Variants in SLIT2 observed in about 807,000 individuals in gnomAD.
SLIT2 encodes the protein slit guidance ligand 2, also known as slit homolog 2 protein.
A neutral mutation model predicts 185.7 loss-of-function variants in SLIT2; 41 were observed. The ratio of observed to expected loss-of-function variants is 0.22; its 90% CI spans 0.17 to 0.29. The LOEUF (loss-of-function observed/expected upper bound fraction) is 0.29. Ranked by LOEUF, SLIT2 falls within the 10% of genes least tolerant of loss-of-function variation. SLIT2 has a pLI of 1.00. For synonymous variants in SLIT2, 693 were observed against 680.2 expected (o/e 1.02, Z -0.29); for missense variants, 1,571 against 1,909.0 (o/e 0.82, Z 3.30).
rs1370320677 is a variant in SLIT2 at position 20,388,893 on chromosome 4, TATATATAATATATACATATAATATATATA to T, written c.396-78842_396-78814del. On this transcript the variant is annotated intron_variant, in intron 4 of 36. Coordinates refer to ENST00000504154, the MANE Select transcript of SLIT2 (RefSeq NM_004787.4). Reference sequence around the variant, plus strand: ...AATATATAATATATATAAAACATAATATATATAATATATACATATAATATATATAATATATAATATATACACACATACAT... The same window carrying T: ...AATATATAATATATATAAAACATAATATATATAATATATACACACATACAT... Among the ~76,000 whole-genome samples the T allele has an allele frequency of 4.1e-5, 6 of 145,824 alleles. No individual in the cohort carries two copies. The East Asian group carries it at 7.9e-4, about 19-fold the overall frequency.
intron 4 of SLIT2, among the ~76,000 whole-genome samples, chr4:20,278,415 T>G (rs16867614): frequency 0.037 from 5,677 of 152,254 alleles, 269 homozygotes; most frequent in East Asian, 0.1. Context: ...TAGGCACTTT[T>G]TATGATGTTA....
At chr4:20,588,125 T>G (rs1057240904) in intron 29 of SLIT2, among the ~76,000 whole-genome samples, 9 of 152,178 alleles carry the variant, frequency 5.9e-5, no homozygotes, top group African/African-American at 2.2e-4. Flanking sequence ...CACAAGCCTT[T>G]AAATAAAACC....
At chr4:20,434,106 A>T (rs1227713762) in intron 4 of SLIT2, among the ~76,000 whole-genome samples, 2 of 152,200 alleles carry the variant, frequency 1.3e-5, no homozygotes, top group Non-Finnish European at 2.9e-5. Context: ...AATGGCCGTC[A>T]TCGGGGGAAG....
intron 32 of SLIT2, 49 bp from the exon 33 acceptor site, chr4:20,598,216 C>T (rs1728133782): frequency 5.0e-6 from 8 of 1,584,560 alleles, no homozygotes; most frequent in African/African-American, 4.0e-5. Context: ...TGATCAAATA[C>T]GTTTGGTTGC....
At chr4:20,445,737 A>G (rs937783202) in intron 4 of SLIT2, among the ~76,000 whole-genome samples, 1 of 152,220 alleles carries the variant, frequency 6.6e-6, no homozygotes, top group Non-Finnish European at 1.5e-5. Flanking sequence ...TTAAAATATA[A>G]GAAACATTGC....
At chr4:20,491,398 A>G (rs1202208405) in intron 8 of SLIT2, among the ~76,000 whole-genome samples, 1 of 152,220 alleles carries the variant, frequency 6.6e-6, no homozygotes, top group Non-Finnish European at 1.5e-5. Context: ...ACCAAGCTCT[A>G]TTTAATCTTA....
At chr4:20,557,444 C>A (rs959362606) in intron 26 of SLIT2, among the ~76,000 whole-genome samples, 1 of 151,982 alleles carries the variant, frequency 6.6e-6, no homozygotes, top group Non-Finnish European at 1.5e-5. Flanking sequence ...ATAAATGGAA[C>A]AACAGAGCCT....
chr4:20,551,995 C>T (rs1156757472), intron 25 of SLIT2, among the ~76,000 whole-genome samples: 1 of 152,072 alleles, frequency 6.6e-6, no homozygotes, highest in Non-Finnish European at 1.5e-5. Flanking sequence ...CAGACTGGTG[C>T]CTATTAATAT....
intron 4 of SLIT2, among the ~76,000 whole-genome samples, chr4:20,397,392 C>A (rs1725981162): frequency 6.6e-6 from 1 of 151,752 alleles, no homozygotes; most frequent in African/African-American, 2.4e-5. Flanking sequence ...ACTTCCTAAG[C>A]CTGAAAGTGC....
chr4:20,597,076 T>A (rs936811148), intron 32 of SLIT2, among the ~76,000 whole-genome samples: 1 of 150,830 alleles, frequency 6.6e-6, no homozygotes, highest in African/African-American at 2.4e-5. Context: ...TTGTTTTTTT[T>A]TTTTTTTGAG....
intron 4 of SLIT2, among the ~76,000 whole-genome samples, chr4:20,325,038 C>T (rs1719440975): frequency 1.3e-5 from 2 of 151,996 alleles, no homozygotes; most frequent in African/African-American, 2.4e-5. Context: ...CTCAGCTCCT[C>T]TTCCTCCTTC....
intron 4 of SLIT2, among the ~76,000 whole-genome samples, chr4:20,270,016 C>T (rs986502097): frequency 6.6e-6 from 1 of 151,850 alleles, no homozygotes; most frequent in African/African-American, 2.4e-5. Flanking sequence ...TGACATTTTT[C>T]TCTTCTTTTT....
intron 26 of SLIT2, among the ~76,000 whole-genome samples, chr4:20,564,448 A>G (rs1293852469): frequency 6.6e-6 from 1 of 151,952 alleles, no homozygotes; most frequent in Non-Finnish European, 1.5e-5. Flanking sequence ...AAATTATATC[A>G]TATTTAGACC....
rs147009540 is a variant in SLIT2, at chr4:20,253,880, A to G, written c.65A>G (p.Lys22Arg). 6.9e-6 allele frequency: 11 copies of G among 1,601,152 alleles called. No homozygotes were observed. The highest frequency in any genetic ancestry group is 9.3e-6 in the Non-Finnish European group (11 of 1,179,892). ...GGGTTAGTGCTGGCGATCCTGAACAAGGTGGCACCGCAGGCGTGCCCGGCG... is the reference window on the plus strand; with the variant it reads ...GGGTTAGTGCTGGCGATCCTGAACAGGGTGGCACCGCAGGCGTGCCCGGCG... ...SLGLVLAILNKVAPQACPAQC... is the reference protein window; with the variant it reads ...SLGLVLAILNRVAPQACPAQC... The change falls in exon 1 of 37, where the codon AAG becomes AGG. Residue 22 changes from lysine to arginine, a missense_variant. This residue lies in a region of SLIT2 where 1,202 missense variants were observed against 1,416.4 expected (regional missense o/e 0.85). Transcript: ENST00000504154.
chr4:20,460,594 A>T (rs1713594981), intron 4 of SLIT2, among the ~76,000 whole-genome samples: 1 of 152,064 alleles, frequency 6.6e-6, no homozygotes, highest in African/African-American at 2.4e-5. Flanking sequence ...TGTAATTGTA[A>T]ATAGCTATTA....
chr4:20,539,604 C>G lies in SLIT2; in HGVS notation c.1976+20C>G. 2 of 1,541,432 alleles carry G rather than the reference C, an allele frequency of 1.3e-6. No homozygotes were observed. Among genetic ancestry groups the G allele is most frequent in the Non-Finnish European group, 1.8e-6 (2 of 1,126,028 alleles). ...TACTCTGTAAGTATGAAAAATAGCC[C>G]TTATGTATTACTTGAGCCATTTATT... On this transcript the variant is annotated intron_variant, in intron 19 of 36. Transcript: ENST00000504154.
At chr4:20,530,531 CCTCTGCCTCTCAAAGTG>C (rs1268067958) in intron 16 of SLIT2, among the ~76,000 whole-genome samples, 1 of 152,148 alleles carries the variant, frequency 6.6e-6, no homozygotes, top group Non-Finnish European at 1.5e-5. Flanking sequence ...AATCCTCCTG[CCTCTGCCTCTCAAAGTG>C]CCAGGGTTAC....
At chr4:20,263,014 G>A (rs1279168168) in intron 3 of SLIT2, among the ~76,000 whole-genome samples, 2 of 151,718 alleles carry the variant, frequency 1.3e-5, no homozygotes, top group Non-Finnish European at 2.9e-5. Context: ...GCTGGATGCC[G>A]TGTCCTTTAT....
chr4:20,330,864 G>C (rs1036266853), intron 4 of SLIT2, among the ~76,000 whole-genome samples: 1 of 152,074 alleles, frequency 6.6e-6, no homozygotes, highest in Admixed American at 6.6e-5. Context: ...GTTAAGGAAA[G>C]AGACATCCTA....
Sources: allele counts gnomAD v4.1 joint callset (sites outside exome capture counted in the v4.1 genomes callset), GRCh38; gene constraint gnomAD v4.1.1; regional missense constraint gnomAD v4.1.1; transcripts MANE v1.5; gene names NCBI Gene and HGNC (gene_info 2026-07-23, HGNC 2026-07-21).